Variants in FAM13A observed in about 807,000 individuals in gnomAD.
FAM13A encodes protein FAM13A.
FAM13A carries 76 observed loss-of-function variants against 129.6 expected under a neutral mutation model. That is an observed-to-expected ratio of 0.59 (90% CI 0.49 to 0.71). The LOEUF (loss-of-function observed/expected upper bound fraction) is 0.71, where lower values mean the gene tolerates loss of function less well. Ranked by LOEUF, FAM13A falls within the 30% of genes least tolerant of loss-of-function variation. The pLI is 0.00. For synonymous variants in FAM13A, 443 were observed against 449.9 expected, an observed-to-expected ratio of 0.98 and a Z score of 0.20; for missense variants, 1,108 against 1,249.3, an observed-to-expected ratio of 0.89 and a Z score of 1.70.
chr4:88,772,672 C>G (rs1197607143), intron 11 of FAM13A, among the ~76,000 whole-genome samples: 1 of 152,180 alleles, frequency 6.6e-6, no homozygotes, highest in Non-Finnish European at 1.5e-5. Flanking sequence ...ACCTACTGAA[C>G]AGCATAGCTT....
chr4:88,836,938 C>T lies in FAM13A; in HGVS notation c.1007+14082G>A, dbSNP rs576359615. On this transcript the variant is annotated intron_variant, in intron 7 of 23. Coordinates refer to ENST00000264344, the MANE Select transcript of FAM13A (RefSeq NM_014883.4). ...TTGTGCCACTGCACTCCAGCCTTGGCGACAGAGTGAAACTCCATCTCAAGA... is the reference window on the plus strand; with the variant it reads ...TTGTGCCACTGCACTCCAGCCTTGGTGACAGAGTGAAACTCCATCTCAAGA... 7.3e-5 allele frequency among the ~76,000 whole-genome samples: 11 copies of T among 150,858 alleles called. No homozygotes were observed. The East Asian group carries it at 9.9e-4, about 14-fold the overall frequency.
Position 89,025,245 on chromosome 4 carries a change from G to GTT in FAM13A, c.217+4213_217+4214dup, listed in dbSNP as rs56710705. ...GCTAAAGGTTAACCATGGAATCATT[G>GTT]TTTTTTTTTTTTTTTTTTTTTTTTT... On this transcript the variant is annotated intron_variant, in intron 2 of 23. Coordinates refer to ENST00000264344, the MANE Select transcript of FAM13A (RefSeq NM_014883.4). Among the ~76,000 whole-genome samples the GTT allele has an allele frequency of 1.6e-3, 100 of 61,372 alleles. 11 individuals are homozygous for GTT. Among genetic ancestry groups the GTT allele is most frequent in the East Asian group, 4.1e-3 (10 of 2,450 alleles). The allele number at this position is 61,372 out of a possible 152,430, so 40.3% of individuals were successfully genotyped here.
chr4:88,811,623 T>C (rs1553990697), intron 7 of FAM13A, among the ~76,000 whole-genome samples: 1 of 151,892 alleles, frequency 6.6e-6, no homozygotes, highest in Non-Finnish European at 1.5e-5. Flanking sequence ...GAGGAGTTGC[T>C]TTACCTTCCA....
intron 5 of FAM13A, among the ~76,000 whole-genome samples, chr4:88,912,595 A>G (rs1001538980): frequency 2.9e-4 from 43 of 150,516 alleles, no homozygotes; most frequent in African/African-American, 9.2e-4. Flanking sequence ...ACACACACAC[A>G]CACACACACC....
chr4:89,048,423 G>A lies in FAM13A; in HGVS notation c.27+8515C>T, dbSNP rs377529485. The stretch of plus-strand genomic sequence containing the variant: ...TATCAAATGTCCTGAAAAGGCAAAC[G>A]TATAGTGACATAAAGCAAATTAGTG... On this transcript the variant is annotated intron_variant, in intron 1 of 23. Coordinates refer to ENST00000264344, the MANE Select transcript of FAM13A (RefSeq NM_014883.4). Among the ~76,000 whole-genome samples, 5 of 152,234 alleles carry A rather than the reference G, an allele frequency of 3.3e-5. No homozygotes were observed. In the East Asian group the frequency reaches 5.8e-4, roughly 18 times the overall value.
At chr4:88,913,481 GGAA>G (rs1286293324) in intron 5 of FAM13A, among the ~76,000 whole-genome samples, 17 of 132,730 alleles carry the variant, frequency 1.3e-4, no homozygotes, top group South Asian at 5.0e-4. Flanking sequence ...AGGAGGAAGA[GGAA>G]GAAGAAGAGG....
chr4:88,993,415 A>C (rs1219341892), intron 3 of FAM13A, among the ~76,000 whole-genome samples: 1 of 152,182 alleles, frequency 6.6e-6, no homozygotes, highest in Non-Finnish European at 1.5e-5. Flanking sequence ...TTTAAAGGTA[A>C]CAAGCAACAG....
intron 7 of FAM13A, among the ~76,000 whole-genome samples, chr4:88,832,527 A>G (rs868470979): frequency 6.6e-6 from 1 of 152,224 alleles, no homozygotes; most frequent in Non-Finnish European, 1.5e-5. Flanking sequence ...AGGAACTTAA[A>G]CAAATTTACA....
At chr4:88,749,582 T>C (rs1343209754) in intron 16 of FAM13A, among the ~76,000 whole-genome samples, 189 bp downstream of exon 16, 2 of 152,182 alleles carry the variant, frequency 1.3e-5, no homozygotes, top group Non-Finnish European at 2.9e-5. Flanking sequence ...AGAATACACT[T>C]GTGCAAGGAA....
chr4:88,825,697 T>C (rs1163723459), intron 7 of FAM13A, among the ~76,000 whole-genome samples: 1 of 152,194 alleles, frequency 6.6e-6, no homozygotes, highest in Non-Finnish European at 1.5e-5. Context: ...ACTACAACAC[T>C]CAATACATTC....
chr4:88,970,982 G>A (rs531112667), intron 4 of FAM13A, among the ~76,000 whole-genome samples: 6 of 152,336 alleles, frequency 3.9e-5, no homozygotes, highest in Non-Finnish European at 8.8e-5. Context: ...GCCGAGGCGG[G>A]TGGATCATGA....
At chr4:88,962,551 G>C (rs1001372903) in intron 4 of FAM13A, among the ~76,000 whole-genome samples, 1 of 152,152 alleles carries the variant, frequency 6.6e-6, no homozygotes, top group Non-Finnish European at 1.5e-5. Flanking sequence ...GCTCCAGAGT[G>C]GTGGGAGCAA....
rs566855212 is a variant in FAM13A, at chr4:88,919,629, C to T, written c.760-13167G>A. On this transcript the variant is annotated intron_variant, in intron 5 of 23. Transcript: ENST00000264344. The stretch of plus-strand genomic sequence containing the variant: ...CTCCCAGCATGAGCGACGCAGAAGA[C>T]GGGTGATTTCTGCATTTCCATCTGA... 1.2e-4 allele frequency among the ~76,000 whole-genome samples: 19 copies of T among 152,318 alleles called. No individual in the cohort carries two copies. The South Asian group carries it at 2.9e-3, about 23-fold the overall frequency.
chr4:88,995,662 T>G (rs1763450151), intron 3 of FAM13A, among the ~76,000 whole-genome samples: 1 of 152,136 alleles, frequency 6.6e-6, no homozygotes, highest in South Asian at 2.1e-4. Flanking sequence ...TTTGAGGTTT[T>G]GGGACTCGGA....
At chr4:88,745,825 CCAG>C (rs1741200157) in intron 19 of FAM13A, among the ~76,000 whole-genome samples, 1 of 151,958 alleles carries the variant, frequency 6.6e-6, no homozygotes, top group Non-Finnish European at 1.5e-5. Flanking sequence ...CAGGGACAGG[CCAG>C]CAGAAGAATC....
chr4:88,957,748 G>A (rs1047854100), intron 4 of FAM13A, among the ~76,000 whole-genome samples: 1 of 152,224 alleles, frequency 6.6e-6, no homozygotes, highest in African/African-American at 2.4e-5. Flanking sequence ...GACGTTGAAG[G>A]TCAGGGAAAT....
chr4:89,022,085 T>G (rs1332339753), intron 2 of FAM13A, among the ~76,000 whole-genome samples: 5 of 152,186 alleles, frequency 3.3e-5, no homozygotes, highest in African/African-American at 9.7e-5. Context: ...TAATGGTGAA[T>G]GTTAGCAATG....
intron 1 of FAM13A, among the ~76,000 whole-genome samples, chr4:89,038,096 A>G (rs764369670): frequency 6.6e-6 from 1 of 152,230 alleles, no homozygotes; most frequent in Non-Finnish European, 1.5e-5. Flanking sequence ...ATGACACACT[A>G]TGGTATTGCC....
chr4:89,034,484 A>C (rs1329828188), intron 1 of FAM13A, among the ~76,000 whole-genome samples: 4 of 152,224 alleles, frequency 2.6e-5, no homozygotes, highest in Non-Finnish European at 4.4e-5. Context: ...AAGAATGTAA[A>C]TTAGTTTATC....
Sources: allele counts gnomAD v4.1 joint callset (sites outside exome capture counted in the v4.1 genomes callset), GRCh38; gene constraint gnomAD v4.1.1; transcripts MANE v1.5; gene names NCBI Gene and HGNC (gene_info 2026-07-23, HGNC 2026-07-21).